Variants in BCAS4 observed in about 807,000 individuals in gnomAD.
BCAS4 encodes breast carcinoma amplified sequence 4.
BCAS4 carries 9 observed loss-of-function variants against 15.7 expected under a neutral mutation model. The observed-to-expected ratio is 0.57, with a 90% CI of 0.34 to 1.00. The LOEUF (loss-of-function observed/expected upper bound fraction) is 1.00, where lower values mean the gene tolerates loss of function less well. Among genes scored for constraint, BCAS4 ranks in the 50% least tolerant of loss-of-function variants. The pLI is 0.02. For missense variants in BCAS4, 225 were observed against 239.1 expected (o/e 0.94, Z 0.39); for synonymous variants, 101 against 99.5 (o/e 1.02, Z -0.09).
At chr20:50,865,408 C>A (rs567893771) in intron 4 of BCAS4, among the ~76,000 whole-genome samples, 2 of 152,196 alleles carry the variant, frequency 1.3e-5, no homozygotes, top group Non-Finnish European at 2.9e-5. Flanking sequence ...CGACTCCCCC[C>A]ACCTGCTGTC....
At chr20:50,828,201 C>T (rs572431560) in intron 2 of BCAS4, among the ~76,000 whole-genome samples, 6 of 151,974 alleles carry the variant, frequency 3.9e-5, no homozygotes, top group East Asian at 3.9e-4. Flanking sequence ...GGGATCAGAG[C>T]GTGAAAAACG....
intron 4 of BCAS4, among the ~76,000 whole-genome samples, chr20:50,869,171 A>G (rs1021846744): frequency 6.6e-6 from 1 of 152,200 alleles, no homozygotes; most frequent in Non-Finnish European, 1.5e-5. Flanking sequence ...AAGTAGTGTC[A>G]CCTGGTGTGT....
intron 3 of BCAS4, among the ~76,000 whole-genome samples, chr20:50,835,949 G>A (rs772385273): frequency 2.0e-5 from 3 of 150,988 alleles, no homozygotes; most frequent in Non-Finnish European, 4.4e-5. Context: ...ACAGAGTATC[G>A]CTCTGTCGCC....
rs181380631 is a variant in BCAS4, at chr20:50,875,777, G to A, written c.400-709G>A. 2.3e-3 allele frequency among the ~76,000 whole-genome samples: 332 copies of A among 146,784 alleles called. 1 individual carries two copies. The highest frequency in any genetic ancestry group is 8.6e-3 in the African/African-American group (316 of 36,852). On this transcript the variant is annotated intron_variant, in intron 4 of 4. Transcript: ENST00000371608. ...AGGCTGGGTGACAGAGCGAGACTCCGTCTCAAAAGAAAAAAAAAAATCAGT... is the reference window on the plus strand; with the variant it reads ...AGGCTGGGTGACAGAGCGAGACTCCATCTCAAAAGAAAAAAAAAAATCAGT...
rs1013155847 is a variant in BCAS4, at chr20:50,851,810, C to CA, written c.399+9911dup. Among the ~76,000 whole-genome samples, 2 of 152,234 alleles carry CA rather than the reference C, an allele frequency of 1.3e-5. No individual in the cohort carries two copies. The highest frequency in any genetic ancestry group is 3.8e-4 in the East Asian group (2 of 5,198). On this transcript the variant is annotated intron_variant, in intron 4 of 4. Coordinates refer to ENST00000371608, the MANE Select transcript of BCAS4 (RefSeq NM_198799.4). This position sits in a 1 kb window ranked among gnomAD's most constrained non-coding sequence, Gnocchi z 4.3. ...TCATTATTGTTCAAAGCCCCAGTCA[C>CA]ACGGTCCCACCCCTGGGAAGCCGCC...
chr20:50,830,862 A>C (rs2088335095), intron 3 of BCAS4, among the ~76,000 whole-genome samples: 1 of 152,166 alleles, frequency 6.6e-6, no homozygotes, highest in Non-Finnish European at 1.5e-5. Flanking sequence ...AACGAAAAAA[A>C]AGAATTTGTT....
At chr20:50,843,148 A>G (rs1413182585) in intron 4 of BCAS4, among the ~76,000 whole-genome samples, 1 of 151,566 alleles carries the variant, frequency 6.6e-6, no homozygotes, top group African/African-American at 2.4e-5. Flanking sequence ...GTAGAGACAG[A>G]GGCTCGCTTT....
At chr20:50,810,510 T>A (rs1289671571) in intron 1 of BCAS4, among the ~76,000 whole-genome samples, 1 of 152,036 alleles carries the variant, frequency 6.6e-6, no homozygotes, top group Non-Finnish European at 1.5e-5. Flanking sequence ...GACAAAAACC[T>A]GTGTCCTCCG....
chr20:50,846,605 C>CT (rs2088547138), intron 4 of BCAS4: 2 of 136,138 alleles, frequency 1.5e-5, no homozygotes, highest in Non-Finnish European at 3.1e-5. Flanking sequence ...CAGTCTCTCT[C>CT]TCTTTTTTTT....
chr20:50,861,926 T>C (rs895240677), intron 4 of BCAS4, among the ~76,000 whole-genome samples: 1 of 140,190 alleles, frequency 7.1e-6, no homozygotes, highest in African/African-American at 2.6e-5. Context: ...TAATCATGGC[T>C]CACTGCAGCC....
chr20:50,837,228 C>A (rs1052838652), intron 3 of BCAS4, among the ~76,000 whole-genome samples: 1 of 152,174 alleles, frequency 6.6e-6, no homozygotes, highest in Non-Finnish European at 1.5e-5. Context: ...TATGTTCCCC[C>A]CTCCTGGATG....
Position 50,830,263 on chromosome 20 carries a change from G to A in BCAS4, c.163-16G>A. 6.2e-7 allele frequency: 1 copy of A among 1,608,426 alleles called. No homozygotes were observed. The highest frequency in any genetic ancestry group is 8.5e-7 in the Non-Finnish European group (1 of 1,174,816). On this transcript the variant is annotated splice_polypyrimidine_tract_variant and intron_variant, in intron 2 of 4. Transcript: ENST00000371608. ...GATGGGGCAGAAGGCCTGATGAGCT[G>A]TTTTGTTCCTTGCAGATCAGGAGTG...
intron 1 of BCAS4, among the ~76,000 whole-genome samples, chr20:50,814,913 G>C (rs1330255105): frequency 2.0e-5 from 3 of 152,126 alleles, no homozygotes; most frequent in African/African-American, 7.2e-5. Flanking sequence ...CTTGAGACCA[G>C]CCTGGGCAAC....
chr20:50,853,201 G>A (rs1978541261), intron 4 of BCAS4, among the ~76,000 whole-genome samples: 1 of 139,712 alleles, frequency 7.2e-6, no homozygotes, highest in Non-Finnish European at 1.5e-5. Flanking sequence ...CTGGAGTGTA[G>A]TGGTGTGATC....
intron 1 of BCAS4, among the ~76,000 whole-genome samples, chr20:50,812,248 T>G (rs2088074874): frequency 6.6e-6 from 1 of 151,548 alleles, no homozygotes; most frequent in Admixed American, 6.6e-5. Context: ...TTCTCCTGCC[T>G]CAGCCTCCCG....
chr20:50,842,001 C>T (rs1054398218), intron 4 of BCAS4, 101 bp downstream of exon 4: 11 of 1,375,836 alleles, frequency 8.0e-6, no homozygotes, highest in East Asian at 5.2e-5. Context: ...TTCAGGGGGG[C>T]ACATTTCACT....
chr20:50,859,189 G>A (rs1978935816), intron 4 of BCAS4, among the ~76,000 whole-genome samples: 3 of 152,044 alleles, frequency 2.0e-5, no homozygotes, highest in South Asian at 4.1e-4. Flanking sequence ...TGATCCTTCC[G>A]CCTTGACCTC....
At chr20:50,865,189 C>T (rs540562203) in intron 4 of BCAS4, among the ~76,000 whole-genome samples, 37 of 152,270 alleles carry the variant, frequency 2.4e-4, no homozygotes, top group Admixed American at 1.8e-3. Context: ...AAAGCCCAGG[C>T]GCCTTGGTGC....
In BCAS4 at chr20:50,795,091, T is replaced by C. The variant is rs368396458; in HGVS notation, c.8T>C (p.Leu3Pro). Reference protein sequence around the residue: MLLVDADQPEPMR... With the variant: MLPVDADQPEPMR... ...GACCCCGTCGCCCTCCTGATGCTGC[T>C]CGTGGACGCTGATCAGCCGGAGCCC... is the stretch of plus-strand genomic sequence containing the variant. The change falls in exon 1 of 5, where the codon CTC becomes CCC. Residue 3 changes from leucine (L) to proline (P), a missense_variant. Leu to Pro is a moderately conservative substitution (Grantham distance 98, BLOSUM62 -3). Coordinates refer to ENST00000371608, the MANE Select transcript of BCAS4 (RefSeq NM_198799.4). The C allele has an allele frequency of 2.5e-5, 37 of 1,503,920 alleles. No homozygotes were observed. The East Asian group carries it at 3.2e-4, about 13-fold the overall frequency. The allele number at this position is 1,503,920 out of a possible 1,614,324, so 93.2% of individuals were successfully genotyped here.
Sources: gnomAD v4.1 joint callset for allele counts (sites outside exome capture counted in the v4.1 genomes callset) on GRCh38, gnomAD v4.1.1 for gene constraint, Gnocchi (gnomAD v3.1) non-coding constraint, MANE v1.5 for transcripts, NCBI Gene and HGNC (gene_info 2026-07-23, HGNC 2026-07-21) for gene names.